TXNRD3: variants seen among roughly 807,000 people sequenced by gnomAD.
TXNRD3 encodes the protein TXNRD3 neighbor gene protein.
TXNRD3 carries 68 observed loss-of-function variants against 78.2 expected under a neutral mutation model. The ratio of observed to expected loss-of-function variants is 0.87; its 90% CI spans 0.72 to 1.06. The LOEUF is 1.06. TXNRD3 is among the 50% of genes least tolerant of loss of function. The pLI, the probability that TXNRD3 is intolerant of heterozygous loss-of-function variation, is 0.00. For missense variants in TXNRD3, 751 were observed against 809.5 expected, an observed-to-expected ratio of 0.93 and a Z score of 0.88; for synonymous variants, 296 against 300.1, an observed-to-expected ratio of 0.99 and a Z score of 0.14.
Position 126,607,118 on chromosome 3 carries a change from ATTAG to A in TXNRD3, c.*783_*786del, listed in dbSNP as rs1264259858. On this transcript the variant is annotated 3_prime_UTR_variant, in exon 16 of 16. Transcript: ENST00000524230. ...TGTGATGGAATTATTTCACAGATAAATTAGTTAGATTTCACATAATACAGTATTA... is the reference window on the plus strand; with the variant it reads ...TGTGATGGAATTATTTCACAGATAAATTAGATTTCACATAATACAGTATTA... 1 of 152,250 alleles carries A rather than the reference ATTAG, an allele frequency of 6.6e-6. No homozygotes were observed. The highest frequency in any genetic ancestry group is 2.4e-5 in the African/African-American group (1 of 41,470). The allele number at this position is 152,250 out of a possible 1,614,324, so 9.4% of individuals were successfully genotyped here.
In TXNRD3 at chr3:126,607,598, G is replaced by A. The variant is rs1032569634; in HGVS notation, c.*307C>T. 1 of 263,968 alleles carries A rather than the reference G, an allele frequency of 3.8e-6. No individual in the cohort carries two copies. Among genetic ancestry groups the A allele is most frequent in the Non-Finnish European group, 7.1e-6 (1 of 140,890 alleles). The allele number at this position is 263,968 out of a possible 1,614,324, so 16.4% of individuals were successfully genotyped here. Reference sequence around the variant, plus strand: ...ACTTAGGTGAATGGTGCCACTCAAAGGTCTTTCCGAGGGAAGCTCAGTCCT... The same window carrying A: ...ACTTAGGTGAATGGTGCCACTCAAAAGTCTTTCCGAGGGAAGCTCAGTCCT... On this transcript the variant is annotated 3_prime_UTR_variant, in exon 16 of 16. Transcript: ENST00000524230.
At chr3:126,636,578 C>T (rs1938866885) in intron 6 of TXNRD3, among the ~76,000 whole-genome samples, 1 of 152,292 alleles carries the variant, frequency 6.6e-6, no homozygotes, top group African/African-American at 2.4e-5. Context: ...TGATTCTGTG[C>T]ACTCCTGCTG....
chr3:126,639,349 C>G (rs1466422943), intron 6 of TXNRD3, among the ~76,000 whole-genome samples: 1 of 152,094 alleles, frequency 6.6e-6, no homozygotes, highest in African/African-American at 2.4e-5. Flanking sequence ...CCTCCTTTTC[C>G]TCACCCAGTT....
At chr3:126,651,490 T>G (rs1480080152) in intron 1 of TXNRD3, among the ~76,000 whole-genome samples, 1 of 152,258 alleles carries the variant, frequency 6.6e-6, no homozygotes, top group African/African-American at 2.4e-5. Flanking sequence ...CCTAAGATTT[T>G]TCTGTATCAG....
chr3:126,609,257 C>T (rs570668982), intron 14 of TXNRD3: 20 of 337,996 alleles, frequency 5.9e-5, no homozygotes, highest in African/African-American at 2.3e-4. Context: ...ACAGTAAAAG[C>T]ATACAATAGA....
At chr3:126,610,679 A>G (rs568957591) in intron 14 of TXNRD3, among the ~76,000 whole-genome samples, 1 of 152,340 alleles carries the variant, frequency 6.6e-6, no homozygotes, top group South Asian at 2.1e-4. Flanking sequence ...TTAAACTATC[A>G]AGCTATCAAG....
intron 1 of TXNRD3, among the ~76,000 whole-genome samples, chr3:126,650,888 C>T (rs1933372061): frequency 6.6e-6 from 1 of 152,208 alleles, no homozygotes; most frequent in South Asian, 2.1e-4. Context: ...ACTGTTTTAT[C>T]TCTTATTCCC....
intron 12 of TXNRD3, among the ~76,000 whole-genome samples, chr3:126,617,576 T>C (rs1938346136): frequency 6.6e-6 from 1 of 152,086 alleles, no homozygotes; most frequent in Admixed American, 6.5e-5. Flanking sequence ...AACACACTCA[T>C]GCAAAAACAA....
Position 126,646,171 on chromosome 3 carries a change from T to C in TXNRD3, c.354A>G (p.Lys118=), listed in dbSNP as rs1933228499. Residue 118 remains lysine, a synonymous_variant, in exon 3 of 16, where the codon AAA becomes AAG. Coordinates refer to ENST00000524230, the MANE Select transcript of TXNRD3 (RefSeq NM_052883.3). ...TATTCACGAAAATATTGGGCACAGT[T>C]TTCTGATTAGTGATTTCTGACAGCA... 6.5e-7 allele frequency: 1 copy of C among 1,534,450 alleles called. No individual in the cohort carries two copies. Among genetic ancestry groups the C allele is most frequent in the African/African-American group, 1.4e-5 (1 of 72,918 alleles).
intron 12 of TXNRD3, among the ~76,000 whole-genome samples, chr3:126,616,574 G>A (rs1023730462): frequency 2.4e-4 from 37 of 152,194 alleles, no homozygotes; most frequent in Admixed American, 7.9e-4. Flanking sequence ...GAGCACATCT[G>A]TACAAACCCC....
At chr3:126,646,301 C>A in intron 2 of TXNRD3, 81 bp from the exon 3 acceptor site, 1 of 1,108,666 alleles carries the variant, frequency 9.0e-7, no homozygotes, top group Non-Finnish European at 1.2e-6. Flanking sequence ...TTACAACACT[C>A]AAATGTTCAC....
At chr3:126,614,780 T>C (rs1938275310) in intron 13 of TXNRD3, among the ~76,000 whole-genome samples, 1 of 152,216 alleles carries the variant, frequency 6.6e-6, no homozygotes. Flanking sequence ...CTCTTTTACT[T>C]GAAATATCAA....
Position 126,615,374 on chromosome 3 carries a change from T to C in TXNRD3, c.1613A>G (p.Tyr538Cys). Reference sequence around the variant, plus strand: ...TCTTACTTCTAGATTCTCTTTTTTATATACTTCAATAGCTTTCTCTTCAGA... The same window carrying C: ...TCTTACTTCTAGATTCTCTTTTTTACATACTTCAATAGCTTTCTCTTCAGA... Residue 538 changes from tyrosine (Y) to cysteine (C), a missense_variant, in exon 13 of 16, where the codon TAT becomes TGT. Physicochemically the swap from Tyr to Cys is radical, Grantham distance 194. Transcript: ENST00000524230. The C allele has an allele frequency of 6.7e-7, 1 of 1,485,986 alleles. No individual in the cohort carries two copies. The highest frequency in any genetic ancestry group is 1.3e-5 in the South Asian group (1 of 76,482). 92.1% of individuals were successfully genotyped at this position (1,485,986 alleles called of 1,614,324 possible).
chr3:126,643,948 A>T, intron 5 of TXNRD3, 33 bp downstream of exon 5: 3 of 1,520,590 alleles, frequency 2.0e-6, no homozygotes, highest in Non-Finnish European at 2.6e-6. Flanking sequence ...ATATGTAAAG[A>T]GCAGAGAGGA....
chr3:126,621,104 T>A (rs897881126), intron 12 of TXNRD3, among the ~76,000 whole-genome samples: 3 of 152,160 alleles, frequency 2.0e-5, no homozygotes, highest in Non-Finnish European at 4.4e-5. Flanking sequence ...ACCTGAAAAG[T>A]CCTCCGCTTC....
intron 6 of TXNRD3, among the ~76,000 whole-genome samples, chr3:126,636,914 TTTC>T (rs1209503897): frequency 1.3e-5 from 2 of 150,628 alleles, no homozygotes; most frequent in Non-Finnish European, 2.9e-5. Flanking sequence ...AAACATGAGG[TTTC>T]TTTTGTGATT....
At chr3:126,635,537 A>C (rs1938836976) in intron 6 of TXNRD3, among the ~76,000 whole-genome samples, 1 of 152,202 alleles carries the variant, frequency 6.6e-6, no homozygotes, top group South Asian at 2.1e-4. Flanking sequence ...ACTTTCTCAA[A>C]GGTTGCTTAG....
chr3:126,633,343 A>G (rs1242302735), intron 7 of TXNRD3, among the ~76,000 whole-genome samples: 5 of 152,242 alleles, frequency 3.3e-5, no homozygotes, highest in Non-Finnish European at 7.3e-5. Context: ...AGATTATCTC[A>G]CACTGTGCTA....
intron 1 of TXNRD3, among the ~76,000 whole-genome samples, chr3:126,648,982 T>C (rs1468155305): frequency 1.3e-5 from 2 of 152,152 alleles, no homozygotes; most frequent in African/African-American, 4.8e-5. Flanking sequence ...GCCACGGCAC[T>C]CCAGCCTGGG....
Sources: allele counts gnomAD v4.1 joint callset (sites outside exome capture counted in the v4.1 genomes callset), GRCh38; gene constraint gnomAD v4.1.1; transcripts MANE v1.5; gene names NCBI Gene and HGNC (gene_info 2026-07-23, HGNC 2026-07-21).